Variants in HLA-F observed in about 807,000 individuals in gnomAD.
The protein encoded by HLA-F is HLA class I histocompatibility antigen, alpha chain F.
A neutral mutation model predicts 49.5 loss-of-function variants in HLA-F; 46 were observed. That is an observed-to-expected ratio of 0.93 (90% CI 0.73 to 1.19). The LOEUF (loss-of-function observed/expected upper bound fraction) is 1.19. Among genes scored for constraint, HLA-F ranks in the 50% most tolerant of loss-of-function variants. HLA-F has a pLI of 0.00. For synonymous variants in HLA-F, 203 were observed against 233.5 expected (o/e 0.87, Z 1.19); for missense variants, 496 against 579.6 (o/e 0.86, Z 1.48).
At chr6:29,726,743 C>G in intron 6 of HLA-F, 140 bp from the exon 7 acceptor site, 1 of 1,214,054 alleles carries the variant, frequency 8.2e-7, no homozygotes, top group Non-Finnish European at 1.2e-6. Context: ...GCCTTCCTCT[C>G]TCCATCAGAC....
At chr6:29,724,656 T>C (rs1632952) in intron 3 of HLA-F, among the ~76,000 whole-genome samples, 98,280 of 137,416 alleles carry the variant, frequency 0.72, 32,163 homozygotes, top group East Asian at 0.76. Context: ...GGGATGAAAT[T>C]TCTGAGGGAA....
intron 2 of HLA-F, 45 bp from the exon 3 acceptor site, chr6:29,724,128 G>A: frequency 6.2e-7 from 1 of 1,607,150 alleles, no homozygotes; most frequent in Non-Finnish European, 8.5e-7. Flanking sequence ...TGGGCGGGGA[G>A]GGGGCGGGGC....
chr6:29,727,419 A>G (rs1299320327), downstream of HLA-F: 1 of 422,500 alleles, frequency 2.4e-6, no homozygotes, highest in Non-Finnish European at 4.1e-6. Flanking sequence ...TTAATTACCT[A>G]CAATCTATAA....
intron 3 of HLA-F, among the ~76,000 whole-genome samples, chr6:29,733,238 C>T (rs963428710): frequency 2.6e-5 from 4 of 152,136 alleles, no homozygotes; most frequent in Non-Finnish European, 4.4e-5. Flanking sequence ...AAATGGAAAT[C>T]AGCACCACGC....
chr6:29,734,868 T>C (rs1233242762), intron 3 of HLA-F, among the ~76,000 whole-genome samples: 1 of 152,146 alleles, frequency 6.6e-6, no homozygotes, highest in African/African-American at 2.4e-5. Context: ...GCTTTCTTTC[T>C]CTATAGATTG....
intron 3 of HLA-F, among the ~76,000 whole-genome samples, chr6:29,737,161 A>C (rs1380198989): frequency 6.9e-6 from 1 of 145,088 alleles, no homozygotes; most frequent in Non-Finnish European, 1.5e-5. Context: ...AGAAATAACT[A>C]GTATTGAATT....
At chr6:29,724,824 G>C (rs1006216690) in intron 3 of HLA-F, among the ~76,000 whole-genome samples, 1 of 152,078 alleles carries the variant, frequency 6.6e-6, no homozygotes, top group Non-Finnish European at 1.5e-5. Flanking sequence ...CTTAGGTCAG[G>C]GCCAGAAGTC....
intron 3 of HLA-F, chr6:29,736,189 T>C (rs1777081606): frequency 3.0e-6 from 1 of 338,728 alleles, no homozygotes; most frequent in South Asian, 2.4e-5. Flanking sequence ...CCACTGCCCA[T>C]GACTCATTCA....
rs780331194 is a variant in HLA-F, at chr6:29,724,457, G to A, written c.610+9G>A. ...GACGCTACAGCGCGCAGGTACCAGG[G>A]GCCATGGGCGCCTTCCCTATCTCCT... On this transcript the variant is annotated intron_variant, in intron 3 of 6. Transcript: ENST00000259951. 6.2e-7 allele frequency: 1 copy of A among 1,611,820 alleles called. No individual in the cohort carries two copies.
chr6:29,726,269 G>C (rs558335959), intron 6 of HLA-F: 202 of 1,038,976 alleles, frequency 1.9e-4, no homozygotes, highest in Middle Eastern at 6.0e-4. Context: ...TGGGGTGTTG[G>C]GGGGGAACAG....
downstream of HLA-F, among the ~76,000 whole-genome samples, chr6:29,730,054 A>G (rs1043352822): frequency 6.6e-6 from 1 of 152,182 alleles, no homozygotes; most frequent in Admixed American, 6.5e-5. Flanking sequence ...CAACAATTCC[A>G]CTTTTGGGCA....
At chr6:29,725,408 C>CT in intron 4 of HLA-F, 39 bp from the exon 5 acceptor site, 1 of 1,609,308 alleles carries the variant, frequency 6.2e-7, no homozygotes, top group Non-Finnish European at 8.5e-7. Context: ...GGGCTGAGGC[C>CT]TGGAGATCAG....
intron 3 of HLA-F, 73 bp downstream of exon 3, chr6:29,724,521 A>C: frequency 1.3e-6 from 2 of 1,508,078 alleles, no homozygotes; most frequent in Non-Finnish European, 9.1e-7. Context: ...GGTTGGGAGG[A>C]AAGTGGACCC....
intron 6 of HLA-F, chr6:29,726,410 C>T (rs1297021938): frequency 6.2e-7 from 1 of 1,611,740 alleles, no homozygotes; most frequent in African/African-American, 1.3e-5. Flanking sequence ...TAGTGTGAGA[C>T]AGCTTCCTTG....
intron 3 of HLA-F, among the ~76,000 whole-genome samples, chr6:29,734,699 A>G (rs868319768): frequency 6.6e-6 from 1 of 152,208 alleles, no homozygotes; most frequent in Non-Finnish European, 1.5e-5. Context: ...CCATTGTACA[A>G]TAGGTGTACA....
intron 6 of HLA-F, chr6:29,726,633 T>C: frequency 6.6e-7 from 1 of 1,515,904 alleles, no homozygotes; most frequent in Non-Finnish European, 8.9e-7. Flanking sequence ...GGTGAAAAGA[T>C]ATACATATAT....
downstream of HLA-F, chr6:29,728,733 C>A (rs577086453): frequency 6.6e-6 from 1 of 152,328 alleles, no homozygotes; most frequent in Non-Finnish European, 1.5e-5. Flanking sequence ...CCCCTCAAAT[C>A]TTAGACCAGG....
downstream of HLA-F, among the ~76,000 whole-genome samples, chr6:29,730,162 G>A (rs377559028): frequency 7.2e-5 from 11 of 152,188 alleles, no homozygotes; most frequent in South Asian, 4.1e-4. Flanking sequence ...GGAAGCAACC[G>A]AGTGTCCATC....
Position 29,723,644 on chromosome 6 carries a change from C to T in HLA-F, c.65-14C>T. The T allele has an allele frequency of 6.2e-7, 1 of 1,606,578 alleles. No individual in the cohort carries two copies. The highest frequency in any genetic ancestry group is 8.5e-7 in the Non-Finnish European group (1 of 1,176,640). ...AGGAGGGTCTGGCGGGTCTCAGCCC[C>T]TCCTCGCCCCCAGGCTCCCACTCCT... On this transcript the variant is annotated splice_polypyrimidine_tract_variant and intron_variant, in intron 1 of 6. Transcript: ENST00000259951.
Sources: allele counts gnomAD v4.1 joint callset (sites outside exome capture counted in the v4.1 genomes callset), GRCh38; gene constraint gnomAD v4.1.1; transcripts MANE v1.5; gene names NCBI Gene and HGNC (gene_info 2026-07-23, HGNC 2026-07-21).